Variants in MAML3 observed in about 807,000 individuals in gnomAD.
MAML3 encodes mastermind like transcriptional coactivator 3, also known as mastermind-like protein 3.
Under a neutral mutation model 101.9 loss-of-function variants are expected in MAML3, and 27 were observed. The observed-to-expected ratio is 0.27, with a 90% CI of 0.20 to 0.37. MAML3 has a LOEUF of 0.37. Among genes scored for constraint, MAML3 ranks in the 10% least tolerant of loss-of-function variants. The probability of loss-of-function intolerance (pLI) is 1.00; values close to 1 mark genes in which losing one functional copy is unlikely to be tolerated. For synonymous variants in MAML3, 501 were observed against 555.9 expected, an observed-to-expected ratio of 0.90 and a Z score of 1.39; for missense variants, 1,316 against 1,444.9, an observed-to-expected ratio of 0.91 and a Z score of 1.45.
intron 2 of MAML3, among the ~76,000 whole-genome samples, chr4:139,770,658 T>A (rs944657531): frequency 6.6e-6 from 1 of 152,178 alleles, no homozygotes; most frequent in East Asian, 1.9e-4. Flanking sequence ...TTTTGGGATC[T>A]TCCCTGGAAT....
At chr4:139,978,236 C>T (rs1038888382) in intron 1 of MAML3, among the ~76,000 whole-genome samples, 4 of 152,188 alleles carry the variant, frequency 2.6e-5, no homozygotes, top group African/African-American at 9.7e-5. Flanking sequence ...TGATTTCAGC[C>T]TCAAAGGAAG....
intron 1 of MAML3, among the ~76,000 whole-genome samples, chr4:140,097,313 T>G (rs1728180336): frequency 6.6e-6 from 1 of 152,188 alleles, no homozygotes; most frequent in African/African-American, 2.4e-5. Flanking sequence ...TCAGTCTCTC[T>G]CTCCTTTCCT....
chr4:140,022,912 T>C (rs1726754785), intron 1 of MAML3, among the ~76,000 whole-genome samples: 1 of 152,196 alleles, frequency 6.6e-6, no homozygotes, highest in Admixed American at 6.5e-5. Flanking sequence ...AGTTCTTATG[T>C]TGTATACTCT....
chr4:139,737,004 T>C (rs1728971262), intron 2 of MAML3, among the ~76,000 whole-genome samples: 2 of 152,158 alleles, frequency 1.3e-5, no homozygotes, highest in Non-Finnish European at 2.9e-5. Flanking sequence ...AAGGAGCCCA[T>C]GGCTGAAAGG....
rs1364149691 is a variant in MAML3 at position 139,974,249 on chromosome 4, G to GCACC, written c.469-83283_469-83282insGGTG. Among the ~76,000 whole-genome samples the GCACC allele has an allele frequency of 3.9e-5, 6 of 151,986 alleles. No homozygotes were observed. In the Middle Eastern group the frequency reaches 0.014, roughly 345 times the overall value. ...GCCTCCCGAGTAGCTGGGATTACAG[G>GCACC]CGCCCACCACCACGCCCAGCTAATT... On this transcript the variant is annotated intron_variant, in intron 1 of 4. Coordinates refer to ENST00000509479, the MANE Select transcript of MAML3 (RefSeq NM_018717.5).
intron 2 of MAML3, among the ~76,000 whole-genome samples, chr4:139,739,028 C>T (rs1729062616): frequency 6.6e-6 from 1 of 152,174 alleles, no homozygotes; most frequent in African/African-American, 2.4e-5. Flanking sequence ...GGCTTTTAAG[C>T]TCCTTTGGGA....
Position 139,719,095 on chromosome 4 carries a change from G to T in MAML3, c.*228C>A. On this transcript the variant is annotated 3_prime_UTR_variant, in exon 5 of 5. Coordinates refer to ENST00000509479, the MANE Select transcript of MAML3 (RefSeq NM_018717.5). ...CCTCCGGGTGTCTCCCTCTCTCGCAGCCGGGATCTGCATGGCGTCTCATCT... is the reference window on the plus strand; with the variant it reads ...CCTCCGGGTGTCTCCCTCTCTCGCATCCGGGATCTGCATGGCGTCTCATCT... 1.9e-6 allele frequency: 1 copy of T among 520,020 alleles called. No homozygotes were observed. The highest frequency in any genetic ancestry group is 3.3e-6 in the Non-Finnish European group (1 of 301,654). The allele number at this position is 520,020 out of a possible 1,614,324, so 32.2% of individuals were successfully genotyped here. A position where few individuals can be genotyped will look rare whatever the true frequency, so the allele number is the denominator to read the frequency against.
chr4:140,087,315 C>T (rs868208690), intron 1 of MAML3, among the ~76,000 whole-genome samples: 3 of 152,196 alleles, frequency 2.0e-5, no homozygotes, highest in Admixed American at 6.5e-5. Context: ...ACTTCATATA[C>T]TCATCCCTGC....
intron 1 of MAML3, among the ~76,000 whole-genome samples, chr4:139,926,975 C>T (rs775277668): frequency 4.6e-5 from 7 of 152,190 alleles, no homozygotes; most frequent in Non-Finnish European, 8.8e-5. Context: ...TCTTTCCTTG[C>T]CTTTCTTGGC....
rs570734120 is a variant in MAML3, at chr4:139,896,623, T to A, written c.469-5656A>T. Among the ~76,000 whole-genome samples, 4 of 128,032 alleles carry A rather than the reference T, an allele frequency of 3.1e-5. No individual in the cohort carries two copies. The East Asian group carries it at 9.6e-4, about 31-fold the overall frequency. 84.0% of individuals were successfully genotyped at this position (128,032 alleles called of 152,430 possible). On this transcript the variant is annotated intron_variant, in intron 1 of 4. Transcript: ENST00000509479. ...TGTGAAACTGGTGTGTGTGTGTGTGTGTGTGTGTGGTATGTGGTGTGTGTG... is the reference window on the plus strand; with the variant it reads ...TGTGAAACTGGTGTGTGTGTGTGTGAGTGTGTGTGGTATGTGGTGTGTGTG...
chr4:140,103,362 C>G (rs572818801), intron 1 of MAML3, among the ~76,000 whole-genome samples: 4 of 152,204 alleles, frequency 2.6e-5, no homozygotes, highest in Non-Finnish European at 5.9e-5. Flanking sequence ...AAAGCACAAG[C>G]TTTCAACTAT....
At chr4:139,828,408 T>G in intron 2 of MAML3, among the ~76,000 whole-genome samples, 1 of 152,314 alleles carries the variant, frequency 6.6e-6, no homozygotes, top group East Asian at 1.9e-4. Context: ...GCAAAGCATT[T>G]GATAGAACTT....
intron 1 of MAML3, among the ~76,000 whole-genome samples, chr4:140,130,376 T>G (rs908448755): frequency 1.3e-5 from 2 of 152,198 alleles, no homozygotes; most frequent in Non-Finnish European, 2.9e-5. Flanking sequence ...TGCATATTTC[T>G]AAAAGAAGTT....
chr4:140,088,962 T>C (rs79175185), intron 1 of MAML3, among the ~76,000 whole-genome samples: 2,926 of 152,304 alleles, frequency 0.019, 103 homozygotes, highest in African/African-American at 0.066. Flanking sequence ...CTTTATTGAA[T>C]CCACTGGTTG....
rs143056526 is a variant in MAML3 at position 139,933,623 on chromosome 4, C to T, written c.469-42656G>A. Among the ~76,000 whole-genome samples the T allele has an allele frequency of 4.1e-3, 631 of 152,314 alleles. 4 individuals carry two copies. The highest frequency in any genetic ancestry group is 0.02 in the Middle Eastern group (6 of 294). On this transcript the variant is annotated intron_variant, in intron 1 of 4. Coordinates refer to ENST00000509479, the MANE Select transcript of MAML3 (RefSeq NM_018717.5). ...GTGAGTAAAGCTGGTGGGGCGGCTA[C>T]GCTGTTTGGGCCTGATGCCAGCAAC...
At chr4:139,989,882 C>CACACAG (rs1385720650) in intron 1 of MAML3, among the ~76,000 whole-genome samples, 44 of 63,128 alleles carry the variant, frequency 7.0e-4, no homozygotes, top group African/African-American at 2.3e-3. Flanking sequence ...CACACACACA[C>CACACAG]AGAGAGAGAG....
chr4:139,745,821 T>C (rs1435996243), intron 2 of MAML3, among the ~76,000 whole-genome samples: 8 of 152,202 alleles, frequency 5.3e-5, no homozygotes, highest in Non-Finnish European at 1.2e-4. Context: ...GAACAGTAGG[T>C]ATATACTGTG....
intron 2 of MAML3, among the ~76,000 whole-genome samples, chr4:139,751,226 A>G (rs1253067003): frequency 6.6e-6 from 1 of 152,248 alleles, no homozygotes; most frequent in African/African-American, 2.4e-5. Context: ...GGAGACTACT[A>G]TGATACTTAA....
At chr4:139,824,044 G>A (rs1731019266) in intron 2 of MAML3, among the ~76,000 whole-genome samples, 1 of 152,138 alleles carries the variant, frequency 6.6e-6, no homozygotes, top group Non-Finnish European at 1.5e-5. Flanking sequence ...TAAAATTGAG[G>A]AGGAAGTAAA....
Sources: allele counts gnomAD v4.1 joint callset (sites outside exome capture counted in the v4.1 genomes callset), GRCh38; gene constraint gnomAD v4.1.1; transcripts MANE v1.5; gene names NCBI Gene and HGNC (gene_info 2026-07-23, HGNC 2026-07-21).